Variants in DNM3 observed in about 807,000 individuals in gnomAD.
The protein encoded by DNM3 is dynamin 3.
In DNM3, 47 loss-of-function variants were observed where a neutral mutation model predicts 101.6. The observed-to-expected ratio is 0.46, with a 90% CI of 0.37 to 0.59. The LOEUF (loss-of-function observed/expected upper bound fraction) is 0.59, where lower values mean the gene tolerates loss of function less well. Among genes scored for constraint, DNM3 ranks in the 20% least tolerant of loss-of-function variants. DNM3 has a pLI of 0.00. For missense variants in DNM3, 849 were observed against 1,085.7 expected, an observed-to-expected ratio of 0.78 and a Z score of 3.06; for synonymous variants, 385 against 387.9, an observed-to-expected ratio of 0.99 and a Z score of 0.09.
At chr1:171,905,526 G>A (rs1319582727) in intron 1 of DNM3, among the ~76,000 whole-genome samples, 1 of 152,146 alleles carries the variant, frequency 6.6e-6, no homozygotes, top group Non-Finnish European at 1.5e-5. Flanking sequence ...TGATATGCAT[G>A]GGGAGAGGGC....
intron 15 of DNM3, among the ~76,000 whole-genome samples, chr1:172,294,023 G>T (rs564942134): frequency 5.9e-5 from 9 of 152,126 alleles, no homozygotes; most frequent in Non-Finnish European, 1.2e-4. Context: ...CATAGTAAAG[G>T]AATTCATACT....
At chr1:172,070,281 G>C (rs1458713377) in intron 11 of DNM3, among the ~76,000 whole-genome samples, 2 of 152,220 alleles carry the variant, frequency 1.3e-5, no homozygotes, top group African/African-American at 4.8e-5. Context: ...CCTAGAGCCA[G>C]ATATGGAGCC....
At chr1:172,088,967 A>G (rs866739664) in intron 12 of DNM3, among the ~76,000 whole-genome samples, 3 of 152,228 alleles carry the variant, frequency 2.0e-5, no homozygotes, top group African/African-American at 4.8e-5. Context: ...TAGAATCATT[A>G]TGTCTCAGCA....
chr1:171,944,822 G>GTT (rs200727956), intron 2 of DNM3, among the ~76,000 whole-genome samples: 2 of 75,316 alleles, frequency 2.7e-5, no homozygotes, highest in African/African-American at 1.0e-4. Flanking sequence ...ATATTAAAGT[G>GTT]TTTTTTTTTG....
At chr1:172,264,595 TC>T (rs1252246370) in intron 15 of DNM3, among the ~76,000 whole-genome samples, 7 of 152,222 alleles carry the variant, frequency 4.6e-5, no homozygotes, top group Admixed American at 1.3e-4. Context: ...TTTATCCCTG[TC>T]CTCCACATCA....
chr1:171,872,654 G>C (rs1334968350), intron 1 of DNM3, among the ~76,000 whole-genome samples: 1 of 152,178 alleles, frequency 6.6e-6, no homozygotes, highest in Non-Finnish European at 1.5e-5. Flanking sequence ...GTTGTGCTCT[G>C]TCTGAGTCCA....
At chr1:172,086,165 T>C (rs1366549650) in intron 12 of DNM3, among the ~76,000 whole-genome samples, 2 of 152,216 alleles carry the variant, frequency 1.3e-5, no homozygotes, top group Non-Finnish European at 2.9e-5. Context: ...TCTTCATCCT[T>C]AACATGAATC....
chr1:172,261,341 CTA>C (rs2062637854), intron 15 of DNM3, among the ~76,000 whole-genome samples: 1 of 152,216 alleles, frequency 6.6e-6, no homozygotes, highest in Non-Finnish European at 1.5e-5. Flanking sequence ...TTGAATCTGA[CTA>C]TGCGTAGTGG....
intron 14 of DNM3, among the ~76,000 whole-genome samples, chr1:172,135,250 T>G (rs2057152918): frequency 6.6e-6 from 1 of 152,174 alleles, no homozygotes; most frequent in South Asian, 2.1e-4. Context: ...GAGACATTGT[T>G]TGTTCCCTGT....
At chr1:172,382,780 A>T (rs1035921858) in intron 18 of DNM3, among the ~76,000 whole-genome samples, 2 of 152,138 alleles carry the variant, frequency 1.3e-5, no homozygotes, top group Non-Finnish European at 2.9e-5. Context: ...ATTTAAGCAA[A>T]CCCAGATAAT....
At chr1:171,939,255 A>G (rs2041659121) in intron 2 of DNM3, among the ~76,000 whole-genome samples, 1 of 152,286 alleles carries the variant, frequency 6.6e-6, no homozygotes, top group East Asian at 1.9e-4. Context: ...CACCACATAC[A>G]TTTCCATTTA....
chr1:172,244,236 G>A (rs1388960331), intron 14 of DNM3, among the ~76,000 whole-genome samples: 1 of 151,878 alleles, frequency 6.6e-6, no homozygotes, highest in East Asian at 1.9e-4. Flanking sequence ...TGGTGTATAT[G>A]TGCCACATTT....
chr1:171,955,082 C>T (rs1468335857), intron 2 of DNM3, among the ~76,000 whole-genome samples: 1 of 152,176 alleles, frequency 6.6e-6, no homozygotes, highest in Non-Finnish European at 1.5e-5. Context: ...TAAGTGATAG[C>T]AACCTTCTAC....
chr1:171,942,224 T>TTA (rs1045551751), intron 2 of DNM3, among the ~76,000 whole-genome samples: 1 of 148,544 alleles, frequency 6.7e-6, no homozygotes, highest in African/African-American at 2.5e-5. Flanking sequence ...TTTTTTTTTT[T>TTA]ATGGAATAAG....
chr1:172,118,946 C>T (rs1219721159), intron 13 of DNM3, among the ~76,000 whole-genome samples: 1 of 152,062 alleles, frequency 6.6e-6, no homozygotes, highest in Non-Finnish European at 1.5e-5. Context: ...CACTGTGACC[C>T]CATCACCTTT....
At chr1:172,047,930 C>G (rs1213734647) in intron 9 of DNM3, among the ~76,000 whole-genome samples, 1 of 152,126 alleles carries the variant, frequency 6.6e-6, no homozygotes, top group Non-Finnish European at 1.5e-5. Context: ...CTTCTCTCTA[C>G]TGACCTTTTG....
At chr1:171,955,309 A>G (rs770670109) in intron 2 of DNM3, among the ~76,000 whole-genome samples, 7 of 152,258 alleles carry the variant, frequency 4.6e-5, no homozygotes, top group Admixed American at 2.0e-4. Flanking sequence ...AATACATTTC[A>G]TCATTTCAAA....
chr1:172,364,945 A>C (rs569391373), intron 17 of DNM3, among the ~76,000 whole-genome samples: 1 of 151,864 alleles, frequency 6.6e-6, no homozygotes, highest in Non-Finnish European at 1.5e-5. Flanking sequence ...TGCTAGTATC[A>C]TGCTTTCTGT....
intron 12 of DNM3, among the ~76,000 whole-genome samples, chr1:172,084,192 T>G (rs1300756735): frequency 6.6e-6 from 1 of 152,156 alleles, no homozygotes; most frequent in Non-Finnish European, 1.5e-5. Flanking sequence ...ATCCTTGTCT[T>G]GTATACCTTT....
Sources: gnomAD v4.1 joint callset for allele counts (sites outside exome capture counted in the v4.1 genomes callset) on GRCh38, gnomAD v4.1.1 for gene constraint, MANE v1.5 for transcripts, NCBI Gene and HGNC (gene_info 2026-07-23, HGNC 2026-07-21) for gene names.